Variants in RAB5B observed in about 807,000 individuals in gnomAD.
RAB5B encodes RAB5B, member RAS oncogene family, also known as ras-related protein Rab-5B.
Under a neutral mutation model 28.6 loss-of-function variants are expected in RAB5B, and 11 were observed. The observed-to-expected ratio is 0.38, with a 90% CI of 0.24 to 0.64. RAB5B has a LOEUF of 0.64. RAB5B is among the 30% of genes least tolerant of loss of function. The probability of loss-of-function intolerance (pLI) is 0.53; values close to 1 mark genes in which losing one functional copy is unlikely to be tolerated. For synonymous variants in RAB5B, 93 were observed against 97.9 expected (o/e 0.95, Z 0.29); for missense variants, 169 against 265.6 (o/e 0.64, Z 2.53).
intron 2 of RAB5B, 142 bp downstream of exon 2, chr12:55,987,265 A>C: frequency 2.6e-6 from 2 of 776,492 alleles, no homozygotes; most frequent in Non-Finnish European, 4.0e-6. Flanking sequence ...GGTTCGAGCG[A>C]TTCTCATGCC....
At chr12:55,980,162 A>ATC (rs1889760446) in intron 1 of RAB5B, among the ~76,000 whole-genome samples, 1 of 151,906 alleles carries the variant, frequency 6.6e-6, no homozygotes, top group African/African-American at 2.4e-5. Context: ...AGCCTGAGGC[A>ATC]TCTCTCCTTC....
chr12:55,991,223 G>A, intron 4 of RAB5B, 137 bp from the exon 5 acceptor site: 2 of 635,050 alleles, frequency 3.1e-6, no homozygotes, highest in Non-Finnish European at 5.7e-6. Flanking sequence ...ATGCATCTAG[G>A]CTAGCTGGCT....
chr12:55,980,498 C>G lies in RAB5B; in HGVS notation c.-93+6359C>G, dbSNP rs925750788. On this transcript the variant is annotated intron_variant, in intron 1 of 5. Coordinates refer to ENST00000360299, the MANE Select transcript of RAB5B (RefSeq NM_002868.4). ...AGTACTGGGAGGCTTGTTGCCGTTT[C>G]CTGATCTCCGGCCTCCTGACTTGAG... is the stretch of plus-strand genomic sequence containing the variant. 4.4e-6 allele frequency: 7 copies of G among 1,590,746 alleles called. No homozygotes were observed. The Middle Eastern group carries it at 1.0e-3, about 229-fold the overall frequency.
At chr12:55,976,238 A>G (rs1468410405) in intron 1 of RAB5B, among the ~76,000 whole-genome samples, 1 of 152,108 alleles carries the variant, frequency 6.6e-6, no homozygotes, top group Non-Finnish European at 1.5e-5. Context: ...ACAAAAGGCA[A>G]TTGTGTTTTC....
intron 3 of RAB5B, 83 bp downstream of exon 3, chr12:55,990,181 G>A (rs909671658): frequency 6.2e-5 from 88 of 1,422,056 alleles, no homozygotes; most frequent in Admixed American, 1.9e-4. Flanking sequence ...ATGCCAAGGC[G>A]GGAGGATCAT....
intron 1 of RAB5B, among the ~76,000 whole-genome samples, 169 bp from the exon 2 acceptor site, chr12:55,986,700 T>G (rs977806169): frequency 2.0e-5 from 3 of 152,124 alleles, no homozygotes; most frequent in Admixed American, 6.5e-5. Flanking sequence ...CAGAAGCAGT[T>G]CTTATTTTGC....
intron 5 of RAB5B, 87 bp from the exon 6 acceptor site, chr12:55,992,010 A>G: frequency 2.1e-6 from 2 of 941,304 alleles, no homozygotes; most frequent in South Asian, 2.9e-5. Context: ...CTTTTCCCCA[A>G]TTCAGTAGCC....
intron 1 of RAB5B, among the ~76,000 whole-genome samples, chr12:55,976,878 T>C (rs897885325): frequency 1.3e-4 from 20 of 152,200 alleles, no homozygotes; most frequent in African/African-American, 4.8e-4. Flanking sequence ...CCCTCTGTTG[T>C]ACCCAGCCTT....
intron 1 of RAB5B, among the ~76,000 whole-genome samples, chr12:55,979,775 T>G (rs956023169): frequency 4.6e-5 from 7 of 152,172 alleles, no homozygotes; most frequent in African/African-American, 7.2e-5. Context: ...AGGCAGGAAC[T>G]CTATCCAGTC....
rs541401391 is a variant in RAB5B, at chr12:55,989,032, C to G, written c.164-915C>G. Among the ~76,000 whole-genome samples, 84 of 143,506 alleles carry G rather than the reference C, an allele frequency of 5.9e-4. 1 individual carries two copies. Among genetic ancestry groups the G allele is most frequent in the South Asian group, 3.7e-3 (17 of 4,622 alleles). The allele number at this position is 143,506 out of a possible 152,430, so 94.1% of individuals were successfully genotyped here. A position where few individuals can be genotyped will look rare whatever the true frequency, so the allele number is the denominator to read the frequency against. The stretch of plus-strand genomic sequence containing the variant: ...TGGTTGCCCATTGCAACTTCCGCTT[C>G]CCCAGTTCAAGCACTTCTGCTGCCT... On this transcript the variant is annotated intron_variant, in intron 2 of 5. Coordinates refer to ENST00000360299, the MANE Select transcript of RAB5B (RefSeq NM_002868.4).
At chr12:55,987,160 G>T in intron 2 of RAB5B, 37 bp downstream of exon 2, 1 of 1,556,058 alleles carries the variant, frequency 6.4e-7, no homozygotes, top group Non-Finnish European at 8.7e-7. Flanking sequence ...TGAATGTTTG[G>T]TAAGGGTTTT....
In RAB5B at chr12:55,992,179, C is replaced by G; in HGVS notation, c.615C>G (p.Ser205=). Residue 205 remains serine, a synonymous_variant, in exon 6 of 6, where the codon TCC becomes TCG. Coordinates refer to ENST00000360299, the MANE Select transcript of RAB5B (RefSeq NM_002868.4). ...RSRGVDLHEQ[S]QQNKSQCCSN The stretch of plus-strand genomic sequence containing the variant: ...GGGGTGTGGATCTCCATGAACAGTC[C>G]CAGCAGAACAAGAGCCAGTGTTGTA... 1 of 1,610,910 alleles carries G rather than the reference C, an allele frequency of 6.2e-7. No individual in the cohort carries two copies. Among genetic ancestry groups the G allele is most frequent in the East Asian group, 2.2e-5 (1 of 44,686 alleles).
intron 1 of RAB5B, among the ~76,000 whole-genome samples, chr12:55,974,529 G>A (rs1565784046): frequency 6.6e-6 from 1 of 152,204 alleles, no homozygotes; most frequent in Non-Finnish European, 1.5e-5. Context: ...CAGACCTGTC[G>A]CCCGAGCCCC....
chr12:55,986,694 A>G (rs891582597), intron 1 of RAB5B, among the ~76,000 whole-genome samples, 175 bp from the exon 2 acceptor site: 1 of 152,210 alleles, frequency 6.6e-6, no homozygotes, highest in Non-Finnish European at 1.5e-5. Flanking sequence ...AGACTCCAGA[A>G]GCAGTTCTTA....
At chr12:55,982,087 T>A (rs1889823277) in intron 1 of RAB5B, among the ~76,000 whole-genome samples, 1 of 151,824 alleles carries the variant, frequency 6.6e-6, no homozygotes, top group East Asian at 1.9e-4. Flanking sequence ...CAGGCATGAG[T>A]CACTGCACCC....
chr12:55,975,120 G>A (rs1366304910), intron 1 of RAB5B, among the ~76,000 whole-genome samples: 2 of 152,100 alleles, frequency 1.3e-5, no homozygotes, highest in African/African-American at 2.4e-5. Flanking sequence ...CAAATACCAT[G>A]TCTCCTAGAA....
chr12:55,978,238 G>A (rs933516631), intron 1 of RAB5B, among the ~76,000 whole-genome samples: 2 of 152,154 alleles, frequency 1.3e-5, no homozygotes, highest in Non-Finnish European at 2.9e-5. Flanking sequence ...GGTGGCATGC[G>A]CCTGTAATCC....
chr12:55,982,215 A>G (rs1889827414), intron 1 of RAB5B, among the ~76,000 whole-genome samples: 1 of 151,358 alleles, frequency 6.6e-6, no homozygotes, highest in Non-Finnish European at 1.5e-5. Context: ...TTTGAAGGTA[A>G]TAATCATCAT....
chr12:55,985,549 C>A (rs996971619), intron 1 of RAB5B: 2 of 332,084 alleles, frequency 6.0e-6, no homozygotes, highest in East Asian at 1.7e-4. Context: ...CAGATTTAGA[C>A]GATTAGAATC....
Sources: allele counts gnomAD v4.1 joint callset (sites outside exome capture counted in the v4.1 genomes callset), GRCh38; gene constraint gnomAD v4.1.1; transcripts MANE v1.5; gene names NCBI Gene and HGNC (gene_info 2026-07-23, HGNC 2026-07-21).